AFF1: variants seen among roughly 807,000 people sequenced by gnomAD.
AFF1 encodes the protein AF4/FMR2 family member 1.
In AFF1, 48 loss-of-function variants were observed where a neutral mutation model predicts 121.7. That is an observed-to-expected ratio of 0.39 (90% CI 0.31 to 0.50). The LOEUF is 0.50. AFF1 is among the 20% of genes least tolerant of loss of function. AFF1 has a pLI of 0.76. For missense variants in AFF1, 1,523 were observed against 1,511.7 expected (o/e 1.01, Z -0.12); for synonymous variants, 613 against 563.0 (o/e 1.09, Z -1.26).
At chr4:87,132,051 G>A (rs998492770) in intron 18 of AFF1, among the ~76,000 whole-genome samples, 187 bp downstream of exon 18, 36 of 152,158 alleles carry the variant, frequency 2.4e-4, no homozygotes, top group African/African-American at 8.7e-4. Flanking sequence ...TTTTTCTGAT[G>A]GCTTGGTAAA....
intron 2 of AFF1, among the ~76,000 whole-genome samples, chr4:86,989,753 A>G (rs1277101119): frequency 6.6e-6 from 1 of 152,238 alleles, no homozygotes; most frequent in African/African-American, 2.4e-5. Context: ...ACTATTCACA[A>G]TAGCAAAGAC....
At chr4:86,941,060 C>T (rs2149441167) in intron 1 of AFF1, among the ~76,000 whole-genome samples, 1 of 152,086 alleles carries the variant, frequency 6.6e-6, no homozygotes, top group Admixed American at 6.5e-5. Context: ...TGCCACTGCA[C>T]TCCAGCCTGG....
At chr4:86,981,648 G>A (rs185998554) in intron 2 of AFF1, among the ~76,000 whole-genome samples, 14 of 152,286 alleles carry the variant, frequency 9.2e-5, no homozygotes, top group Admixed American at 8.5e-4. Context: ...GGGATTACAG[G>A]TATGAGCCAG....
rs1017834313 is a variant in AFF1, at chr4:87,115,223, A to C, written c.2390A>C (p.Gln797Pro). 8 of 1,614,028 alleles carry C rather than the reference A, an allele frequency of 5.0e-6. No homozygotes were observed. The African/African-American group carries it at 9.3e-5, about 19-fold the overall frequency. ...CGCCAGAGGAAAGCAGAAGATAAAC[A>C]GCCGCCCGCAGGGAAGAAGCACAGC... is the stretch of plus-strand genomic sequence containing the variant. ...GSRQRKAEDKQPPAGKKHSSE... is the reference protein window; with the variant it reads ...GSRQRKAEDKPPPAGKKHSSE... Residue 797 changes from glutamine to proline, a missense_variant, in exon 12 of 21, where the codon CAG (glutamine) becomes CCG (proline). Gln to Pro is a moderately conservative substitution (Grantham distance 76). Coordinates refer to ENST00000395146, the MANE Select transcript of AFF1 (RefSeq NM_001166693.3).
intron 4 of AFF1, among the ~76,000 whole-genome samples, chr4:87,051,419 T>C (rs984088735): frequency 2.0e-5 from 3 of 151,552 alleles, no homozygotes; most frequent in Non-Finnish European, 4.4e-5. Context: ...CTTTTTCTTT[T>C]TTTTTTTTTT....
At chr4:87,099,170 G>A (rs1378691723) in intron 8 of AFF1, among the ~76,000 whole-genome samples, 1 of 152,154 alleles carries the variant, frequency 6.6e-6, no homozygotes, top group Non-Finnish European at 1.5e-5. Context: ...TCAATGGCAG[G>A]TCTAACTGAG....
At chr4:87,099,044 G>T (rs1345706915) in intron 8 of AFF1, among the ~76,000 whole-genome samples, 1 of 152,184 alleles carries the variant, frequency 6.6e-6, no homozygotes, top group East Asian at 1.9e-4. Flanking sequence ...AAATGTTCTA[G>T]AATTAAGTCC....
intron 4 of AFF1, among the ~76,000 whole-genome samples, chr4:87,080,588 C>T (rs1345478032): frequency 6.6e-6 from 1 of 152,198 alleles, no homozygotes; most frequent in Non-Finnish European, 1.5e-5. Flanking sequence ...GTTCCAGCTA[C>T]TCTCTGAAGG....
chr4:87,019,242 G>T (rs1241022230), intron 2 of AFF1, among the ~76,000 whole-genome samples: 1 of 152,166 alleles, frequency 6.6e-6, no homozygotes. Context: ...ATTATATATT[G>T]GTTTTCGTCC....
chr4:87,124,018 T>C (rs1021354109), intron 12 of AFF1, among the ~76,000 whole-genome samples: 2 of 152,192 alleles, frequency 1.3e-5, no homozygotes, highest in African/African-American at 4.8e-5. Flanking sequence ...GTATGTGGGC[T>C]TCCTCCTGAA....
intron 2 of AFF1, among the ~76,000 whole-genome samples, chr4:87,028,504 C>A (rs1728751574): frequency 1.1e-5 from 1 of 93,022 alleles, no homozygotes; most frequent in Non-Finnish European, 2.2e-5. Flanking sequence ...ATTTTTCTTC[C>A]TCTCAGGGTG....
Position 87,114,534 on chromosome 4 carries a change from A to C in AFF1, c.1701A>C (p.Lys567Asn). 1 of 1,612,710 alleles carries C rather than the reference A, an allele frequency of 6.2e-7. No individual in the cohort carries two copies. Among genetic ancestry groups the C allele is most frequent in the East Asian group, 2.2e-5 (1 of 44,834 alleles). ...SATSQEHSESKDPPPKSSSKA... is the reference protein window; with the variant it reads ...SATSQEHSESNDPPPKSSSKA... Reference sequence around the variant, plus strand: ...CGAGTCAGGAGCATTCTGAATCCAAAGATCCTCCCCCTAAAAGCTCCAGCA... The same window carrying C: ...CGAGTCAGGAGCATTCTGAATCCAACGATCCTCCCCCTAAAAGCTCCAGCA... Residue 567 changes from lysine (K) to asparagine (N), a missense_variant, in exon 12 of 21, where the codon AAA becomes AAC. Physicochemically the swap from Lys to Asn is moderately conservative, Grantham distance 94 (BLOSUM62 0). This residue lies in a region of AFF1 where 905 missense variants were observed against 842.5 expected (regional missense o/e 1.07). Coordinates refer to ENST00000395146, the MANE Select transcript of AFF1 (RefSeq NM_001166693.3).
At chr4:87,120,742 T>C in intron 12 of AFF1, among the ~76,000 whole-genome samples, 1 of 152,196 alleles carries the variant, frequency 6.6e-6, no homozygotes, top group East Asian at 1.9e-4. Flanking sequence ...CCACTTTAGC[T>C]ACTCCTGCAG....
intron 11 of AFF1, among the ~76,000 whole-genome samples, chr4:87,110,495 G>A (rs1020560410): frequency 2.8e-5 from 4 of 142,114 alleles, no homozygotes; most frequent in East Asian, 2.0e-4. Flanking sequence ...TGTTGGTACC[G>A]ATTAACCATC....
At chr4:87,043,566 G>A (rs1730370588) in intron 2 of AFF1, among the ~76,000 whole-genome samples, 2 of 152,218 alleles carry the variant, frequency 1.3e-5, no homozygotes, top group African/African-American at 4.8e-5. Flanking sequence ...TGAAGGAATT[G>A]AGTGTCATCA....
intron 1 of AFF1, among the ~76,000 whole-genome samples, chr4:86,938,535 TAATA>T (rs989533515): frequency 7.2e-5 from 11 of 152,112 alleles, no homozygotes; most frequent in Admixed American, 5.2e-4. Flanking sequence ...TTTCCTCAAA[TAATA>T]AATTCAACAA....
intron 16 of AFF1, 44 bp downstream of exon 16, chr4:87,127,747 A>C (rs144652500): frequency 2.5e-6 from 4 of 1,605,028 alleles, no homozygotes. Context: ...GTTTTCTGAT[A>C]GTAAAAAAAA....
At position 87,090,055 on chromosome 4, in the gene AFF1, T is replaced by C. The variant is rs749738604; in HGVS notation, c.1176T>C (p.Phe392=). The C allele has an allele frequency of 1.7e-5, 27 of 1,613,798 alleles. No homozygotes were observed. The highest frequency in any genetic ancestry group is 2.2e-5 in the Non-Finnish European group (26 of 1,179,852). Residue 392 remains phenylalanine (F), a synonymous_variant, in exon 6 of 21, where the codon TTT becomes TTC. Transcript: ENST00000395146. The stretch of plus-strand genomic sequence containing the variant: ...CTAGTACAGCTGAGCCATCCAAGTT[T>C]CCTTTCCCTACAAAGGTAATTCCTT... ...HTPSTAEPSK[F]PFPTKDSQHV...
At chr4:87,131,645 T>C (rs552390190) in intron 17 of AFF1, 148 bp from the exon 18 acceptor site, 3 of 685,684 alleles carry the variant, frequency 4.4e-6, no homozygotes, top group South Asian at 4.0e-5. Flanking sequence ...GGATTGTTGC[T>C]CTAAAGCCTT....
Sources: gnomAD v4.1 joint callset for allele counts (sites outside exome capture counted in the v4.1 genomes callset) on GRCh38, gnomAD v4.1.1 for gene constraint, gnomAD v4.1.1 regional missense constraint, MANE v1.5 for transcripts, NCBI Gene and HGNC (gene_info 2026-07-23, HGNC 2026-07-21) for gene names.